Variants in SPRYD3 observed in about 807,000 individuals in gnomAD.
SPRYD3 encodes the protein SPRY domain containing 3.
In SPRYD3, 17 loss-of-function variants were observed where a neutral mutation model predicts 50.1. The ratio of observed to expected loss-of-function variants is 0.34; its 90% CI spans 0.23 to 0.51. The LOEUF is 0.51. SPRYD3 is among the 20% of genes least tolerant of loss of function. The pLI is 0.97. For missense variants in SPRYD3, 401 were observed against 591.2 expected (o/e 0.68, Z 3.34); for synonymous variants, 198 against 215.5 (o/e 0.92, Z 0.71).
Position 53,074,923 on chromosome 12 carries a change from A to C in SPRYD3, c.372-139T>G. 1 of 1,350,596 alleles carries C rather than the reference A, an allele frequency of 7.4e-7. No individual in the cohort carries two copies. The highest frequency in any genetic ancestry group is 1.0e-6 in the Non-Finnish European group (1 of 961,450). The allele number at this position is 1,350,596 out of a possible 1,614,324, so 83.7% of individuals were successfully genotyped here. A position where few individuals can be genotyped will look rare whatever the true frequency, so the allele number is the denominator to read the frequency against. On this transcript the variant is annotated intron_variant, in intron 4 of 10. Transcript: ENST00000301463. The surrounding 1 kb of genome is among the most constrained non-coding windows in gnomAD (Gnocchi z 4.6). ...TACCCACTTACGTCCTGGCGTGAGC[A>C]TCACCCTCCTCTAGTCTGTAAGCCT...
At chr12:53,070,921 C>T (rs1944544792) in intron 6 of SPRYD3, among the ~76,000 whole-genome samples, 1 of 152,212 alleles carries the variant, frequency 6.6e-6, no homozygotes, top group African/African-American at 2.4e-5. Flanking sequence ...CCCCCTAATA[C>T]ACACATACCA....
At chr12:53,071,058 C>T (rs1481030750) in intron 6 of SPRYD3, among the ~76,000 whole-genome samples, 1 of 152,174 alleles carries the variant, frequency 6.6e-6, no homozygotes, top group African/African-American at 2.4e-5. Flanking sequence ...CCTCTTCTCC[C>T]CTGCCGGTAT....
chr12:53,077,356 G>A, intron 1 of SPRYD3, 95 bp from the exon 2 acceptor site: 3 of 1,358,624 alleles, frequency 2.2e-6, no homozygotes, highest in South Asian at 2.5e-5. Flanking sequence ...CACTGGCCTT[G>A]AGGCCAGCTG....
chr12:53,077,062 T>C (rs1393143905), intron 2 of SPRYD3, 53 bp downstream of exon 2: 3 of 1,552,494 alleles, frequency 1.9e-6, no homozygotes, highest in African/African-American at 2.8e-5. Flanking sequence ...AACCCTTTCC[T>C]CTCTAAGATC....
At chr12:53,075,434 A>G (rs1342314243) in intron 3 of SPRYD3, among the ~76,000 whole-genome samples, 3 of 152,174 alleles carry the variant, frequency 2.0e-5, no homozygotes, top group African/African-American at 7.2e-5. Context: ...TTGGAGAAAG[A>G]TAGGACTCAC....
At chr12:53,075,863 G>C (rs1186569267) in intron 2 of SPRYD3, 52 bp from the exon 3 acceptor site, 8 of 1,465,252 alleles carry the variant, frequency 5.5e-6, no homozygotes, top group Admixed American at 1.7e-5. Context: ...CCAAGAGTAG[G>C]GGGAGGGCCT....
chr12:53,065,676 C>A lies in SPRYD3; in HGVS notation c.*156G>T, dbSNP rs545580121. The A allele has an allele frequency of 9.2e-6, 7 of 764,260 alleles. No homozygotes were observed. The East Asian group carries it at 1.7e-4, about 19-fold the overall frequency. The allele number at this position is 764,260 out of a possible 1,614,324, so 47.3% of individuals were successfully genotyped here. A position where few individuals can be genotyped will look rare whatever the true frequency, so the allele number is the denominator to read the frequency against. ...CAGCACCAGGTCAGAAACGTGGGCA[C>A]AGAGAAGCGTGACAGGGGCCTGAGC... On this transcript the variant is annotated 3_prime_UTR_variant, in exon 11 of 11. Transcript: ENST00000301463.
At position 53,065,957 on chromosome 12, in the gene SPRYD3, T is replaced by C; in HGVS notation, c.1204A>G (p.Thr402Ala). The C allele has an allele frequency of 6.2e-7, 1 of 1,612,504 alleles. No homozygotes were observed. Among genetic ancestry groups the C allele is most frequent in the Non-Finnish European group, 8.5e-7 (1 of 1,178,950 alleles). The change falls in exon 11 of 11, where the codon ACT (threonine) becomes GCT (alanine). Residue 402 changes from threonine (T) to alanine (A), a missense_variant. Transcript: ENST00000301463. ...TTCCCAATGATCTTGCCATTCCGAG[T>C]GAAGAAAACCTGGGGAGGAGGTGGG... is the stretch of plus-strand genomic sequence containing the variant. Reference protein sequence around the residue: ...HEGRKVVVFFTRNGKIIGKKD... With the variant: ...HEGRKVVVFFARNGKIIGKKD...
chr12:53,073,570 C>A (rs1447108639), intron 5 of SPRYD3, 99 bp from the exon 6 acceptor site: 4 of 999,074 alleles, frequency 4.0e-6, no homozygotes, highest in Non-Finnish European at 5.7e-6. Context: ...ACCAGCCGGG[C>A]GTGGTGGCTC....
intron 1 of SPRYD3, among the ~76,000 whole-genome samples, chr12:53,078,557 C>T (rs1284509713): frequency 6.6e-6 from 1 of 151,426 alleles, no homozygotes; most frequent in East Asian, 1.9e-4. Context: ...GAGAACTGAT[C>T]ACAAGAGGAT....
chr12:53,068,134 A>C (rs978493348), intron 7 of SPRYD3, 21 bp downstream of exon 7: 2 of 1,613,856 alleles, frequency 1.2e-6, no homozygotes, highest in African/African-American at 2.7e-5. Context: ...ATGAGCAAAA[A>C]AGCTCAGCCT....
chr12:53,074,718 G>A lies in SPRYD3; in HGVS notation c.438C>T (p.Gly146=), dbSNP rs1361117108. The A allele has an allele frequency of 6.2e-7, 1 of 1,614,250 alleles. No individual in the cohort carries two copies. Among genetic ancestry groups the A allele is most frequent in the South Asian group, 1.1e-5 (1 of 91,088 alleles). Residue 146 remains glycine (G), a synonymous_variant, in exon 5 of 11, where the codon GGC becomes GGT. Transcript: ENST00000301463. This position sits in a 1 kb window ranked among gnomAD's most constrained non-coding sequence, Gnocchi z 4.6. ...CAAAGGACACAGGCTCAATGCCACA[G>A]CCAATCCGGTCCCCGGAGTTGCACT... ...GSKCNSGDRI[G]CGIEPVSFDV... is the part of the protein sequence containing the mutation.
At chr12:53,068,037 G>C (rs1183680007) in intron 7 of SPRYD3, 118 bp downstream of exon 7, 3 of 1,181,618 alleles carry the variant, frequency 2.5e-6, no homozygotes, top group African/African-American at 1.5e-5. Context: ...TCTCAGCTTA[G>C]CACCCTCCCT....
chr12:53,073,259 CCTCCCA>C (rs1177091358), intron 6 of SPRYD3, 21 bp downstream of exon 6: 1 of 400,932 alleles, frequency 2.5e-6, no homozygotes, highest in Non-Finnish European at 4.6e-6. Context: ...CGACCCAGCC[CCTCCCA>C]CCCTCCCACC....
chr12:53,069,488 G>A (rs1201974285), intron 6 of SPRYD3, among the ~76,000 whole-genome samples: 3 of 90,236 alleles, frequency 3.3e-5, no homozygotes, highest in Non-Finnish European at 2.1e-5. Context: ...TCAGACGGCC[G>A]CTGCTTAGCT....
rs111493291 is a variant in SPRYD3 at position 53,065,968 on chromosome 12, T to G, written c.1195-2A>C. On this transcript the variant is annotated splice_acceptor_variant, in intron 10 of 10. Transcript: ENST00000301463. LOFTEE classifies it high-confidence loss of function. ...CTTGCCATTCCGAGTGAAGAAAACC[T>G]GGGGAGGAGGTGGGGAGAAGAATGG... The G allele has an allele frequency of 6.2e-7, 1 of 1,611,730 alleles. No individual in the cohort carries two copies. Among genetic ancestry groups the G allele is most frequent in the African/African-American group, 1.3e-5 (1 of 74,892 alleles).
rs1298547310 is a variant in SPRYD3 at position 53,074,590 on chromosome 12, C to T, written c.507+59G>A. ...AGCCAGCAGACTCTTCCTAATCACT[C>T]CCCACAAATCCTTGGGCAGATTTCA... On this transcript the variant is annotated intron_variant, in intron 5 of 10. Transcript: ENST00000301463. This position sits in a 1 kb window ranked among gnomAD's most constrained non-coding sequence, Gnocchi z 4.6. 1.9e-6 allele frequency: 3 copies of T among 1,607,858 alleles called. No individual in the cohort carries two copies. Among genetic ancestry groups the T allele is most frequent in the East Asian group, 4.5e-5 (2 of 44,844 alleles).
Position 53,073,446 on chromosome 12 carries a change from GA to G in SPRYD3, c.532del (p.Ser178ProfsTer34). 6.4e-7 allele frequency: 1 copy of G among 1,561,048 alleles called. No homozygotes were observed. The highest frequency in any genetic ancestry group is 8.7e-7 in the Non-Finnish European group (1 of 1,150,612). On this transcript the variant is annotated frameshift_variant, in exon 6 of 11. Coordinates refer to ENST00000301463, the MANE Select transcript of SPRYD3 (RefSeq NM_032840.3). LOFTEE classifies it high-confidence loss of function. ...KRVGSTIMPM[S>X]PDGLFPAVGM... ...CACTGCTGGGAACAGTCCATCTGGG[GA>G]CATGGGCATGATGGTAGAGCCCACC... is the stretch of plus-strand genomic sequence containing the variant.
chr12:53,073,257 C>CCCCCGGGGGGG (rs1944561875), intron 6 of SPRYD3, 29 bp downstream of exon 6: 3 of 363,994 alleles, frequency 8.2e-6, no homozygotes, highest in Non-Finnish European at 1.0e-5. Flanking sequence ...TCCGACCCAG[C>CCCCCGGGGGGG]CCCTCCCACC....
Sources: gnomAD v4.1 joint callset for allele counts (sites outside exome capture counted in the v4.1 genomes callset) on GRCh38, gnomAD v4.1.1 for gene constraint, Gnocchi (gnomAD v3.1) non-coding constraint, MANE v1.5 for transcripts, NCBI Gene and HGNC (gene_info 2026-07-23, HGNC 2026-07-21) for gene names.